Variants in PHLPP1 observed in about 807,000 individuals in gnomAD.
PHLPP1 encodes PH domain leucine-rich repeat-containing protein phosphatase 1.
A neutral mutation model predicts 117.2 loss-of-function variants in PHLPP1; 42 were observed. The ratio of observed to expected loss-of-function variants is 0.36; its 90% CI spans 0.28 to 0.46. The LOEUF is 0.46. Among genes scored for constraint, PHLPP1 ranks in the 20% least tolerant of loss-of-function variants. The pLI, the probability that PHLPP1 is intolerant of heterozygous loss-of-function variation, is 1.00. For synonymous variants in PHLPP1, 1,042 were observed against 970.7 expected, an observed-to-expected ratio of 1.07 and a Z score of -1.37; for missense variants, 2,084 against 2,241.9, an observed-to-expected ratio of 0.93 and a Z score of 1.42.
intron 3 of PHLPP1, among the ~76,000 whole-genome samples, chr18:62,846,209 C>CAAAAAAAAAAAAA (rs34577472): frequency 1.3e-5 from 1 of 78,678 alleles, no homozygotes; most frequent in Non-Finnish European, 2.3e-5. Flanking sequence ...AACTCCATCT[C>CAAAAAAAAAAAAA]AAAAAAAAAA....
chr18:62,797,813 G>A (rs538523407), intron 1 of PHLPP1, among the ~76,000 whole-genome samples: 9 of 152,124 alleles, frequency 5.9e-5, no homozygotes, highest in Non-Finnish European at 1.2e-4. Context: ...CATTGCCGGG[G>A]AGAGAGGTTG....
At chr18:62,741,691 T>C (rs1342491285) in intron 1 of PHLPP1, among the ~76,000 whole-genome samples, 1 of 150,906 alleles carries the variant, frequency 6.6e-6, no homozygotes, top group Non-Finnish European at 1.5e-5. Flanking sequence ...AATTGTTATG[T>C]GTGCCACGAG....
At chr18:62,787,410 C>T (rs748229711) in intron 1 of PHLPP1, among the ~76,000 whole-genome samples, 5 of 152,122 alleles carry the variant, frequency 3.3e-5, no homozygotes, top group South Asian at 2.1e-4. Context: ...TCAGATGATC[C>T]GCCCACCTCG....
intron 4 of PHLPP1, among the ~76,000 whole-genome samples, 171 bp from the exon 5 acceptor site, chr18:62,894,840 A>C (rs1916511495): frequency 1.3e-5 from 2 of 152,202 alleles, no homozygotes; most frequent in Non-Finnish European, 2.9e-5. Context: ...CTGGCCTTAG[A>C]GTCAGCAGAT....
At chr18:62,838,092 A>G (rs1914957678) in intron 2 of PHLPP1, 1 of 151,984 alleles carries the variant, frequency 6.6e-6, no homozygotes, top group South Asian at 2.1e-4. Flanking sequence ...TTCCCTTTGT[A>G]TATCTTCTTT....
Position 62,931,054 on chromosome 18 carries a change from G to A in PHLPP1, c.2961-10664G>A, listed in dbSNP as rs373466801. On this transcript the variant is annotated intron_variant, in intron 10 of 16. Transcript: ENST00000262719. Reference sequence around the variant, plus strand: ...AAAAGAAAATACAAAAAAATTAGCCGGGAATGGTGGCACGTGCCTGTAGTC... The same window carrying A: ...AAAAGAAAATACAAAAAAATTAGCCAGGAATGGTGGCACGTGCCTGTAGTC... Among the ~76,000 whole-genome samples, 15 of 152,092 alleles carry A rather than the reference G, an allele frequency of 9.9e-5. No individual in the cohort carries two copies. The South Asian group carries it at 1.5e-3, about 15-fold the overall frequency.
intron 10 of PHLPP1, among the ~76,000 whole-genome samples, chr18:62,923,407 T>C (rs1422338396): frequency 1.3e-5 from 2 of 152,228 alleles, no homozygotes; most frequent in African/African-American, 2.4e-5. Context: ...TTTTCCAAGC[T>C]GTAATTGCTA....
At chr18:62,920,470 C>T (rs918024159) in intron 10 of PHLPP1, among the ~76,000 whole-genome samples, 5 of 152,154 alleles carry the variant, frequency 3.3e-5, no homozygotes, top group Non-Finnish European at 7.3e-5. Context: ...TCTCTGTTCC[C>T]GCTTTCACAT....
intron 4 of PHLPP1, among the ~76,000 whole-genome samples, chr18:62,894,511 A>G (rs1916504831): frequency 6.6e-6 from 1 of 152,150 alleles, no homozygotes; most frequent in Non-Finnish European, 1.5e-5. Context: ...ATTGGTTCTT[A>G]AATTTGGAAC....
chr18:62,815,146 T>TC (rs1479828673), intron 1 of PHLPP1, among the ~76,000 whole-genome samples: 1 of 151,286 alleles, frequency 6.6e-6, no homozygotes, highest in African/African-American at 2.4e-5. Context: ...GGAGGATGTT[T>TC]CTTTTTTTTT....
intron 2 of PHLPP1, among the ~76,000 whole-genome samples, chr18:62,835,209 C>CT (rs564281869): frequency 2.7e-3 from 385 of 141,360 alleles, no homozygotes; most frequent in Middle Eastern, 7.3e-3. Context: ...TTTTTTTTTC[C>CT]TTTTTTTTTT....
chr18:62,805,550 A>G (rs1051494112), intron 1 of PHLPP1, among the ~76,000 whole-genome samples: 1 of 152,054 alleles, frequency 6.6e-6, no homozygotes, highest in Non-Finnish European at 1.5e-5. Flanking sequence ...GTAGAGACTG[A>G]GAGTCTTGCC....
chr18:62,718,408 A>C (rs1910825068), intron 1 of PHLPP1, among the ~76,000 whole-genome samples: 1 of 152,220 alleles, frequency 6.6e-6, no homozygotes, highest in African/African-American at 2.4e-5. Flanking sequence ...CCCAGTGGCA[A>C]TTTAATTAGT....
intron 1 of PHLPP1, among the ~76,000 whole-genome samples, chr18:62,823,823 C>T (rs977075212): frequency 6.6e-6 from 1 of 151,930 alleles, no homozygotes; most frequent in African/African-American, 2.4e-5. Flanking sequence ...TACATATGCA[C>T]TAGAATGGCT....
chr18:62,720,451 A>G (rs1028831740), intron 1 of PHLPP1, among the ~76,000 whole-genome samples: 1 of 151,884 alleles, frequency 6.6e-6, no homozygotes, highest in Non-Finnish European at 1.5e-5. Flanking sequence ...TTTGTGTGTG[A>G]CTCCTTGGGA....
intron 10 of PHLPP1, among the ~76,000 whole-genome samples, chr18:62,921,631 C>CA (rs1461091349): frequency 6.6e-6 from 1 of 152,046 alleles, no homozygotes; most frequent in African/African-American, 2.4e-5. Context: ...GGAAAGTGCT[C>CA]AAAAAATATT....
intron 1 of PHLPP1, among the ~76,000 whole-genome samples, chr18:62,795,431 C>T (rs980255713): frequency 2.1e-5 from 3 of 146,148 alleles, no homozygotes; most frequent in Non-Finnish European, 4.5e-5. Context: ...TGAGCCGAGC[C>T]GAGCCAAGCT....
intron 1 of PHLPP1, among the ~76,000 whole-genome samples, chr18:62,812,979 T>C (rs940116302): frequency 2.0e-5 from 3 of 152,140 alleles, no homozygotes; most frequent in Non-Finnish European, 2.9e-5. Context: ...GCTCATCAAA[T>C]AAGAAAGAAA....
chr18:62,952,758 C>T (rs1173190638), intron 12 of PHLPP1, among the ~76,000 whole-genome samples: 1 of 152,166 alleles, frequency 6.6e-6, no homozygotes, highest in East Asian at 1.9e-4. Flanking sequence ...TCCTGAGTAG[C>T]TGAGACTCCA....
Sources: gnomAD v4.1 joint callset for allele counts (sites outside exome capture counted in the v4.1 genomes callset) on GRCh38, gnomAD v4.1.1 for gene constraint, MANE v1.5 for transcripts, NCBI Gene and HGNC (gene_info 2026-07-23, HGNC 2026-07-21) for gene names.